Variants in CAMSAP1 observed in about 807,000 individuals in gnomAD.
The protein encoded by CAMSAP1 is calmodulin regulated spectrin associated protein 1, also known as calmodulin-regulated spectrin-associated protein 1.
In CAMSAP1, 58 loss-of-function variants were observed where a neutral mutation model predicts 143.5. That is an observed-to-expected ratio of 0.40 (90% confidence interval 0.33 to 0.50). The LOEUF is 0.50. Ranked by LOEUF, CAMSAP1 falls within the 20% of genes least tolerant of loss-of-function variation. The probability of loss-of-function intolerance (pLI) is 0.45; values close to 1 mark genes in which losing one functional copy is unlikely to be tolerated. For synonymous variants in CAMSAP1, 945 were observed against 859.3 expected (o/e 1.10, Z -1.74); for missense variants, 1,969 against 2,115.7 (o/e 0.93, Z 1.36).
At chr9:135,829,486 C>G (rs1326586471) in intron 7 of CAMSAP1, among the ~76,000 whole-genome samples, 1 of 152,100 alleles carries the variant, frequency 6.6e-6, no homozygotes, top group Non-Finnish European at 1.5e-5. Context: ...CACTGCACTT[C>G]AGTCCAGCCT....
intron 1 of CAMSAP1, among the ~76,000 whole-genome samples, chr9:135,887,904 G>A (rs1264756074): frequency 6.6e-5 from 10 of 152,334 alleles, no homozygotes; most frequent in African/African-American, 1.7e-4. Flanking sequence ...CAACGCATTC[G>A]CAGTGGCTGC....
chr9:135,906,909 GCGCGGACCCCGACCCGGCCGGACCCCGGC>G (rs1838799409), intron 1 of CAMSAP1, 62 bp downstream of exon 1: 1 of 765,752 alleles, frequency 1.3e-6, no homozygotes, highest in Non-Finnish European at 1.6e-6. Context: ...AAGGCGCGGC[GCGCGGACCCCGACCCGGCCGGACCCCGGC>G]CGCGTCCCCC....
chr9:135,836,027 C>A, intron 7 of CAMSAP1: 2 of 726,998 alleles, frequency 2.8e-6, no homozygotes, highest in Non-Finnish European at 3.4e-6. Flanking sequence ...CATTTGCTAT[C>A]CAACAGACTC....
At chr9:135,815,313 G>A (rs1835191273) in intron 15 of CAMSAP1, 98 bp from the exon 16 acceptor site, 1 of 612,298 alleles carries the variant, frequency 1.6e-6, no homozygotes, top group Non-Finnish European at 2.8e-6. Flanking sequence ...GCAATGGGTA[G>A]GCTGAATTAC....
intron 7 of CAMSAP1, chr9:135,836,089 G>A (rs1385362973): frequency 7.5e-5 from 74 of 984,806 alleles, no homozygotes; most frequent in Non-Finnish European, 8.7e-5. Flanking sequence ...CAGAAACTTC[G>A]GAAAGAGAGC....
chr9:135,821,770 C>G lies in CAMSAP1; in HGVS notation c.2891G>C (p.Arg964Thr), dbSNP rs768653424. Residue 964 changes from arginine (R) to threonine (T), a missense_variant, in exon 11 of 17, where the codon AGA (arginine) becomes ACA (threonine). Arg to Thr is a moderately conservative substitution (Grantham distance 71, BLOSUM62 -1). Transcript: ENST00000389532. This position sits in a 1 kb window ranked among gnomAD's most constrained non-coding sequence, Gnocchi z 4.6. ...CTGTGGCTCGTGAAGGAGCTCCTCT[C>G]TCTGCTCCTCCTTCACGAGAAAGTC... ...TEDFLVKEEQREELLHEPQDV... is the reference protein window; with the variant it reads ...TEDFLVKEEQTEELLHEPQDV... 2 of 1,614,014 alleles carry G rather than the reference C, an allele frequency of 1.2e-6. No individual in the cohort carries two copies. Among genetic ancestry groups the G allele is most frequent in the Admixed American group, 3.3e-5 (2 of 60,034 alleles).
chr9:135,895,339 A>G (rs1033971884), intron 1 of CAMSAP1, among the ~76,000 whole-genome samples: 3 of 152,196 alleles, frequency 2.0e-5, no homozygotes, highest in African/African-American at 4.8e-5. Flanking sequence ...CAAGCAGCCA[A>G]AGGGGAATGG....
At chr9:135,874,456 G>C (rs1430822619) in intron 3 of CAMSAP1, among the ~76,000 whole-genome samples, 1 of 140,370 alleles carries the variant, frequency 7.1e-6, no homozygotes, top group Non-Finnish European at 1.5e-5. Context: ...CTGGGACACA[G>C]GGTGAGACCC....
chr9:135,856,913 G>T (rs571845642), intron 5 of CAMSAP1, among the ~76,000 whole-genome samples: 2 of 152,302 alleles, frequency 1.3e-5, no homozygotes, highest in Admixed American at 6.5e-5. Context: ...ATTTCAGCCT[G>T]AGCCTCCCTC....
chr9:135,848,457 G>A (rs561794524), intron 7 of CAMSAP1, among the ~76,000 whole-genome samples: 9 of 152,196 alleles, frequency 5.9e-5, no homozygotes, highest in Non-Finnish European at 1.2e-4. Context: ...TCACGGGTCT[G>A]CCAGGAGCAC....
At chr9:135,879,153 T>C (rs994874929) in intron 3 of CAMSAP1, among the ~76,000 whole-genome samples, 6 of 152,152 alleles carry the variant, frequency 3.9e-5, no homozygotes, top group African/African-American at 1.4e-4. Flanking sequence ...GTCACAATCC[T>C]ACCTCAGTAG....
In CAMSAP1 at chr9:135,819,685, A is replaced by T. The variant is rs543452176; in HGVS notation, c.3823-539T>A. 6.1e-3 allele frequency among the ~76,000 whole-genome samples: 924 copies of T among 151,498 alleles called. 5 individuals carry two copies. The highest frequency in any genetic ancestry group is 0.021 in the African/African-American group (858 of 41,256). ...CCTGTCTCCACTTAAAAAAAAAAAA[A>T]AAAAAAAAAAAATTAGCCGGGCATG... On this transcript the variant is annotated intron_variant, in intron 11 of 16. Coordinates refer to ENST00000389532, the MANE Select transcript of CAMSAP1 (RefSeq NM_015447.4).
At chr9:135,886,014 T>C (rs1182380717) in intron 1 of CAMSAP1, among the ~76,000 whole-genome samples, 1 of 151,902 alleles carries the variant, frequency 6.6e-6, no homozygotes, top group Non-Finnish European at 1.5e-5. Flanking sequence ...GAGCTGGATG[T>C]GCACAGTTCT....
At chr9:135,902,134 AACT>A (rs1483012841) in intron 1 of CAMSAP1, among the ~76,000 whole-genome samples, 1 of 152,246 alleles carries the variant, frequency 6.6e-6, no homozygotes, top group Non-Finnish European at 1.5e-5. Context: ...TAGCTGGACC[AACT>A]AGCAACTCCC....
At chr9:135,880,181 T>C (rs1837892508) in intron 3 of CAMSAP1, among the ~76,000 whole-genome samples, 1 of 152,132 alleles carries the variant, frequency 6.6e-6, no homozygotes, top group Non-Finnish European at 1.5e-5. Flanking sequence ...AAGCTTCCAC[T>C]AGCATTACAG....
chr9:135,885,797 C>T (rs760216081), intron 1 of CAMSAP1, among the ~76,000 whole-genome samples: 12 of 152,132 alleles, frequency 7.9e-5, no homozygotes, highest in Admixed American at 1.3e-4. Flanking sequence ...GAAAATGACG[C>T]ACTTACTAAA....
chr9:135,823,051 T>C lies in CAMSAP1; in HGVS notation c.1610A>G (p.Asp537Gly), dbSNP rs756724804. The change falls in exon 11 of 17, where the codon GAT (aspartate) becomes GGT (glycine). Residue 537 changes from aspartate (D) to glycine (G), a missense_variant. Asp to Gly is a moderately conservative substitution (Grantham distance 94, BLOSUM62 -1). Around this residue, in one of 4 missense-constraint regions of CAMSAP1, gnomAD observed 1,390 missense variants for 1,420.8 expected, o/e 0.98. Coordinates refer to ENST00000389532, the MANE Select transcript of CAMSAP1 (RefSeq NM_015447.4). ...KSLLSNVSIE[D>G]EEEELVAIVR... is the part of the protein sequence containing the mutation. ...AATAGCCACAAGCTCCTCTTCCTCA[T>C]CCTCAATACTGACATTGCTCAGGAG... The C allele has an allele frequency of 2.5e-6, 4 of 1,613,982 alleles. No individual in the cohort carries two copies. The East Asian group carries it at 8.9e-5, about 36-fold the overall frequency.
In CAMSAP1 at chr9:135,811,143, C is replaced by A. The variant is rs1835036606; in HGVS notation, c.*166G>T. 1 of 780,030 alleles carries A rather than the reference C, an allele frequency of 1.3e-6. No homozygotes were observed. The highest frequency in any genetic ancestry group is 2.0e-6 in the Non-Finnish European group (1 of 494,644). 48.3% of individuals were successfully genotyped at this position (780,030 alleles called of 1,614,324 possible). A position where few individuals can be genotyped will look rare whatever the true frequency, so the allele number is the denominator to read the frequency against. On this transcript the variant is annotated 3_prime_UTR_variant, in exon 17 of 17. Coordinates refer to ENST00000389532, the MANE Select transcript of CAMSAP1 (RefSeq NM_015447.4). This position sits in a 1 kb window ranked among gnomAD's most constrained non-coding sequence, Gnocchi z 4.9. ...AGATGAGCGCTGAGAGAGGGGTTTTCTTCTGCTGTCTAGAAACCTCTTTGC... is the reference window on the plus strand; with the variant it reads ...AGATGAGCGCTGAGAGAGGGGTTTTATTCTGCTGTCTAGAAACCTCTTTGC...
At position 135,892,844 on chromosome 9, in the gene CAMSAP1, G is replaced by C. The variant is rs1838325921; in HGVS notation, c.161-9766C>G. Among the ~76,000 whole-genome samples, 5 of 12,416 alleles carry C rather than the reference G, an allele frequency of 4.0e-4. No homozygotes were observed. The South Asian group carries it at 0.013, about 31-fold the overall frequency. 8.1% of individuals were successfully genotyped at this position (12,416 alleles called of 152,430 possible). On this transcript the variant is annotated intron_variant, in intron 1 of 16. Transcript: ENST00000389532. ...CCAGCCTGGGCAACAGAGCAAGACT[G>C]TCTCAAAAAAAAAAAAAAAAAAAGA...
Sources: gnomAD v4.1 joint callset for allele counts (sites outside exome capture counted in the v4.1 genomes callset) on GRCh38, gnomAD v4.1.1 for gene constraint, gnomAD v4.1.1 regional missense constraint, Gnocchi (gnomAD v3.1) non-coding constraint, MANE v1.5 for transcripts, NCBI Gene and HGNC (gene_info 2026-07-23, HGNC 2026-07-21) for gene names.